The following PRKCH variants were observed in gnomAD, a reference collection of about 807,000 sequenced individuals.
PRKCH encodes protein kinase C eta.
In PRKCH, 28 loss-of-function variants were observed where a neutral mutation model predicts 82.5. The observed-to-expected ratio is 0.34, with a 90% CI of 0.25 to 0.47. The LOEUF is 0.47. Among genes scored for constraint, PRKCH ranks in the 20% least tolerant of loss-of-function variants. The pLI, the probability that PRKCH is intolerant of heterozygous loss-of-function variation, is 1.00. For missense variants in PRKCH, 705 were observed against 881.8 expected (o/e 0.80, Z 2.54); for synonymous variants, 322 against 327.4 (o/e 0.98, Z 0.18).
chr14:61,267,844 G>GA (rs958064683), intron 1 of PRKCH, among the ~76,000 whole-genome samples: 1 of 151,680 alleles, frequency 6.6e-6, no homozygotes, highest in Non-Finnish European at 1.5e-5. Context: ...GTACCACTAA[G>GA]AAAAAAAATG....
intron 1 of PRKCH, among the ~76,000 whole-genome samples, chr14:61,291,775 G>GC (rs2045364967): frequency 6.6e-6 from 1 of 152,114 alleles, no homozygotes. Flanking sequence ...ACCTTGAAAC[G>GC]CGGTGGTATT....
chr14:61,347,235 T>G (rs1396611435), intron 1 of PRKCH, among the ~76,000 whole-genome samples: 1 of 152,238 alleles, frequency 6.6e-6, no homozygotes, highest in Non-Finnish European at 1.5e-5. Flanking sequence ...TTGAATTACT[T>G]TTTTAAAATG....
At position 61,362,340 on chromosome 14, in the gene PRKCH, TAAA is replaced by T. The variant is rs10591516; in HGVS notation, c.364-28868_364-28866del. 7.1e-3 allele frequency among the ~76,000 whole-genome samples: 891 copies of T among 125,474 alleles called. 7 individuals carry two copies. Among genetic ancestry groups the T allele is most frequent in the Middle Eastern group, 0.04 (10 of 248 alleles). The allele number at this position is 125,474 out of a possible 152,430, so 82.3% of individuals were successfully genotyped here. ...TGGGCGACAGAGTGGCATCTTGTCT[TAAA>T]AAAAAAAAAAAAAAAAGGAAACAAG... On this transcript the variant is annotated intron_variant, in intron 1 of 13. Transcript: ENST00000332981.
chr14:61,386,949 A>G (rs947296475), intron 1 of PRKCH, among the ~76,000 whole-genome samples: 2 of 152,276 alleles, frequency 1.3e-5, no homozygotes, highest in Admixed American at 6.5e-5. Flanking sequence ...AAAAAATCCC[A>G]AAGAATCAAG....
chr14:61,401,174 A>G (rs1215144289), intron 2 of PRKCH, among the ~76,000 whole-genome samples: 2 of 152,220 alleles, frequency 1.3e-5, no homozygotes, highest in Non-Finnish European at 2.9e-5. Flanking sequence ...TGGATGGGCC[A>G]GAAAGCTCTA....
chr14:61,320,385 A>G (rs2045599503), upstream of PRKCH, among the ~76,000 whole-genome samples: 2 of 152,126 alleles, frequency 1.3e-5, no homozygotes, highest in Admixed American at 1.3e-4. Flanking sequence ...GAATCACTTG[A>G]GGTCGGGAGT....
At chr14:61,243,326 A>G (rs1242344144) in intron 1 of PRKCH, among the ~76,000 whole-genome samples, 5 of 143,514 alleles carry the variant, frequency 3.5e-5, no homozygotes, top group Admixed American at 1.5e-4. Flanking sequence ...TGAACTCGGG[A>G]GGTGGAGATT....
intron 1 of PRKCH, among the ~76,000 whole-genome samples, chr14:61,244,037 C>T (rs556277556): frequency 1.3e-5 from 2 of 152,160 alleles, no homozygotes; most frequent in South Asian, 2.1e-4. Flanking sequence ...CAGCCTGGCT[C>T]TCCCATCATC....
In PRKCH at chr14:61,272,952, T is replaced by C. The variant is rs1204840916; in HGVS notation, c.-19+85284T>C. On this transcript the variant is annotated intron_variant, in intron 1 of 3. Transcript: ENST00000555185. ...GGGCAGACAATGCAAAGCCATGTCT[T>C]AACTTGATTTCCAGAATCAGAGGAA... Among the ~76,000 whole-genome samples the C allele has an allele frequency of 5.3e-5, 8 of 152,302 alleles. No individual in the cohort carries two copies. In the East Asian group the frequency reaches 1.5e-3, roughly 29 times the overall value.
chr14:61,450,077 A>G (rs1156280418), intron 5 of PRKCH, among the ~76,000 whole-genome samples: 1 of 152,230 alleles, frequency 6.6e-6, no homozygotes, highest in Non-Finnish European at 1.5e-5. Context: ...CTGGAACACA[A>G]TGGTTCTTTA....
At chr14:61,389,903 T>C (rs2046649652) in intron 1 of PRKCH, among the ~76,000 whole-genome samples, 1 of 152,104 alleles carries the variant, frequency 6.6e-6, no homozygotes, top group South Asian at 2.1e-4. Context: ...TTAAATTTAA[T>C]ATTTGACCAA....
In PRKCH at chr14:61,507,761, G is replaced by A. The variant is rs376438988; in HGVS notation, c.1434-21314G>A. ...CAGGGAGTAGAATGGTGGTTGCCAA[G>A]GGTGGTTGGGGGACAGAGAAATGGG... On this transcript the variant is annotated intron_variant, in intron 10 of 13. Coordinates refer to ENST00000332981, the MANE Select transcript of PRKCH (RefSeq NM_006255.5). Among the ~76,000 whole-genome samples, 18 of 152,224 alleles carry A rather than the reference G, an allele frequency of 1.2e-4. 1 individual carries two copies. The highest frequency in any genetic ancestry group is 7.8e-4 in the Admixed American group (12 of 15,302).
intron 2 of PRKCH, among the ~76,000 whole-genome samples, chr14:61,425,502 A>T (rs1199169161): frequency 1.3e-5 from 2 of 152,156 alleles, no homozygotes; most frequent in African/African-American, 4.8e-5. Context: ...GTTTTGGCCA[A>T]TTTATCCCAT....
chr14:61,466,185 AT>A (rs1443619317), intron 9 of PRKCH, among the ~76,000 whole-genome samples: 1 of 152,042 alleles, frequency 6.6e-6, no homozygotes, highest in East Asian at 1.9e-4. Flanking sequence ...ATTATGAAGG[AT>A]TTTTTTCCTA....
chr14:61,239,802 A>G (rs1259730744), intron 1 of PRKCH, among the ~76,000 whole-genome samples: 2 of 152,064 alleles, frequency 1.3e-5, no homozygotes, highest in Non-Finnish European at 2.9e-5. Flanking sequence ...GTCCTGGCAT[A>G]ATTTTTTCTG....
At chr14:61,465,069 A>G (rs1885196253) in intron 9 of PRKCH, among the ~76,000 whole-genome samples, 1 of 152,140 alleles carries the variant, frequency 6.6e-6, no homozygotes, top group South Asian at 2.1e-4. Flanking sequence ...CCATTTTAAA[A>G]TTGGGTTGTT....
intron 1 of PRKCH, among the ~76,000 whole-genome samples, chr14:61,269,426 G>A (rs564936625): frequency 6.6e-6 from 1 of 152,164 alleles, no homozygotes; most frequent in Non-Finnish European, 1.5e-5. Flanking sequence ...GTAAACTCAC[G>A]TTATGGGGTT....
intron 1 of PRKCH, among the ~76,000 whole-genome samples, chr14:61,234,010 T>G (rs1036735390): frequency 6.6e-6 from 1 of 152,210 alleles, no homozygotes; most frequent in Non-Finnish European, 1.5e-5. Flanking sequence ...AGGTACACTG[T>G]CCTGGTCTAC....
chr14:61,388,168 AGAAAG>A (rs2046618218), intron 1 of PRKCH, among the ~76,000 whole-genome samples: 1 of 147,830 alleles, frequency 6.8e-6, no homozygotes, highest in Non-Finnish European at 1.5e-5. Context: ...AAAAAAAAAA[AGAAAG>A]AAATCCCCAT....
Sources: allele counts gnomAD v4.1 joint callset (sites outside exome capture counted in the v4.1 genomes callset), GRCh38; gene constraint gnomAD v4.1.1; transcripts MANE v1.5; gene names NCBI Gene and HGNC (gene_info 2026-07-23, HGNC 2026-07-21).